Variants in CFAP299 observed in about 807,000 individuals in gnomAD.
The protein encoded by CFAP299 is cilia- and flagella-associated protein 299.
Under a neutral mutation model 27.0 loss-of-function variants are expected in CFAP299, and 21 were observed. That is an observed-to-expected ratio of 0.78 (90% CI 0.55 to 1.12). The LOEUF (loss-of-function observed/expected upper bound fraction) is 1.12. Among genes scored for constraint, CFAP299 ranks in the 50% most tolerant of loss-of-function variants. The probability of loss-of-function intolerance (pLI) is 0.00; values close to 1 mark genes in which losing one functional copy is unlikely to be tolerated. For missense variants in CFAP299, 310 were observed against 276.6 expected, an observed-to-expected ratio of 1.12 and a Z score of -0.86; for synonymous variants, 104 against 98.1, an observed-to-expected ratio of 1.06 and a Z score of -0.36.
chr4:80,444,926 T>C (rs1413393415), intron 2 of CFAP299, among the ~76,000 whole-genome samples: 5 of 152,142 alleles, frequency 3.3e-5, no homozygotes, highest in Non-Finnish European at 5.9e-5. Context: ...GAAAAAAAGC[T>C]CATCATCATT....
At chr4:80,924,538 G>GTATATATATATATATA (rs1553906748) in intron 4 of CFAP299, among the ~76,000 whole-genome samples, 3 of 131,668 alleles carry the variant, frequency 2.3e-5, no homozygotes, top group African/African-American at 9.4e-5. Context: ...GTGTGTGTGT[G>GTATATATATATATATA]TATATATATA....
chr4:80,789,834 G>T (rs1196741332), intron 3 of CFAP299, among the ~76,000 whole-genome samples: 1 of 151,974 alleles, frequency 6.6e-6, no homozygotes, highest in Admixed American at 6.6e-5. Context: ...TTTTAAAGCT[G>T]TGCTCTTTCC....
chr4:80,923,652 T>C (rs950338506), intron 4 of CFAP299, among the ~76,000 whole-genome samples: 1 of 152,072 alleles, frequency 6.6e-6, no homozygotes, highest in Admixed American at 6.6e-5. Flanking sequence ...GGTGCTAGTA[T>C]TTAATTAACA....
rs1731834335 is a variant in CFAP299, at chr4:80,503,381, A to G, written c.243-79712A>G. ...ATTTTTTTACTGGTGAGCATCTCTT[A>G]CCCAATATCCAAAGCCCAATAAAAT... On this transcript the variant is annotated intron_variant, in intron 2 of 5. Coordinates refer to ENST00000358105, the MANE Select transcript of CFAP299 (RefSeq NM_152770.3). Among the ~76,000 whole-genome samples, 2 of 152,064 alleles carry G rather than the reference A, an allele frequency of 1.3e-5. 1 individual carries two copies. Among genetic ancestry groups the G allele is most frequent in the South Asian group, 4.1e-4 (2 of 4,824 alleles).
At chr4:80,675,982 C>T (rs1029897095) in intron 3 of CFAP299, among the ~76,000 whole-genome samples, 2 of 152,138 alleles carry the variant, frequency 1.3e-5, no homozygotes, top group East Asian at 1.9e-4. Context: ...AATCCCCCAA[C>T]CCCTTGTGCT....
intron 3 of CFAP299, among the ~76,000 whole-genome samples, chr4:80,754,240 G>T (rs988977551): frequency 6.6e-6 from 1 of 152,030 alleles, no homozygotes; most frequent in African/African-American, 2.4e-5. Flanking sequence ...TTGTATTTAG[G>T]GTAGGAGCTC....
intron 3 of CFAP299, among the ~76,000 whole-genome samples, chr4:80,664,347 C>A (rs1412670444): frequency 6.6e-6 from 1 of 152,098 alleles, no homozygotes; most frequent in Non-Finnish European, 1.5e-5. Context: ...CATGGATGCC[C>A]CTTCTCCCAG....
intron 2 of CFAP299, among the ~76,000 whole-genome samples, chr4:80,511,973 T>G (rs1367286137): frequency 6.6e-6 from 1 of 152,092 alleles, no homozygotes; most frequent in Non-Finnish European, 1.5e-5. Flanking sequence ...AATTCTTGAG[T>G]TTTGGAAATT....
chr4:80,917,093 G>A (rs944593613), intron 4 of CFAP299, among the ~76,000 whole-genome samples: 13 of 152,134 alleles, frequency 8.5e-5, no homozygotes, highest in Non-Finnish European at 1.6e-4. Context: ...GAAGGTAGGA[G>A]TCAGAGATTG....
At chr4:80,642,565 A>T (rs1739782011) in intron 3 of CFAP299, among the ~76,000 whole-genome samples, 1 of 152,122 alleles carries the variant, frequency 6.6e-6, no homozygotes, top group Non-Finnish European at 1.5e-5. Context: ...AGAGATTGAG[A>T]CAATACTGGC....
chr4:80,648,786 A>C (rs995226567), intron 3 of CFAP299: 2 of 152,196 alleles, frequency 1.3e-5, no homozygotes, highest in African/African-American at 4.8e-5. Flanking sequence ...AAAATTATGA[A>C]TGCAAGCCCA....
At chr4:80,735,243 G>A (rs1015093818) in intron 3 of CFAP299, among the ~76,000 whole-genome samples, 1 of 151,890 alleles carries the variant, frequency 6.6e-6, no homozygotes, top group Non-Finnish European at 1.5e-5. Flanking sequence ...TTTTCAGATT[G>A]TTCACTGTCA....
At chr4:80,830,407 T>G (rs1730235517) in intron 3 of CFAP299, among the ~76,000 whole-genome samples, 1 of 152,086 alleles carries the variant, frequency 6.6e-6, no homozygotes, top group Admixed American at 6.6e-5. Context: ...TATATTTTAG[T>G]TATACTCTCT....
At chr4:80,527,106 TGCTAA>T (rs1400047909) in intron 2 of CFAP299, among the ~76,000 whole-genome samples, 1 of 152,130 alleles carries the variant, frequency 6.6e-6, no homozygotes, top group African/African-American at 2.4e-5. Context: ...GCCTCCTTCG[TGCTAA>T]GCATATTCAA....
At chr4:80,703,682 A>G (rs1721649543) in intron 3 of CFAP299, among the ~76,000 whole-genome samples, 1 of 151,670 alleles carries the variant, frequency 6.6e-6, no homozygotes, top group African/African-American at 2.4e-5. Context: ...CCTCTATACA[A>G]TATACTATTC....
At chr4:80,810,607 A>C (rs568308497) in intron 3 of CFAP299, among the ~76,000 whole-genome samples, 25 of 152,070 alleles carry the variant, frequency 1.6e-4, no homozygotes, top group Non-Finnish European at 2.9e-4. Flanking sequence ...AGGAACACCA[A>C]GAATTGCCAG....
At chr4:80,817,231 T>C (rs1729466306) in intron 3 of CFAP299, among the ~76,000 whole-genome samples, 2 of 152,062 alleles carry the variant, frequency 1.3e-5, no homozygotes, top group Non-Finnish European at 2.9e-5. Context: ...GTTGAGCCAT[T>C]TATTGCAACT....
At chr4:80,454,082 T>C (rs1180778868) in intron 2 of CFAP299, among the ~76,000 whole-genome samples, 1 of 151,950 alleles carries the variant, frequency 6.6e-6, no homozygotes, top group Non-Finnish European at 1.5e-5. Flanking sequence ...GAAGATAATG[T>C]GAGGTGACTG....
intron 3 of CFAP299, among the ~76,000 whole-genome samples, chr4:80,731,534 A>G (rs907018934): frequency 6.6e-6 from 1 of 152,162 alleles, no homozygotes; most frequent in Non-Finnish European, 1.5e-5. Context: ...TTGTTTCTTA[A>G]CATGTTTTTG....
Sources: allele counts gnomAD v4.1 joint callset (sites outside exome capture counted in the v4.1 genomes callset), GRCh38; gene constraint gnomAD v4.1.1; transcripts MANE v1.5; gene names NCBI Gene and HGNC (gene_info 2026-07-23, HGNC 2026-07-21).